Variants in EDA observed in about 807,000 individuals in gnomAD.
EDA encodes the protein ectodysplasin A.
Under a neutral mutation model 23.6 loss-of-function variants are expected in EDA, and 2 were observed. The ratio of observed to expected loss-of-function variants is 0.08; its 90% CI spans 0.03 to 0.27. The LOEUF (loss-of-function observed/expected upper bound fraction) is 0.27. EDA is among the 10% of genes least tolerant of loss of function. The probability of loss-of-function intolerance (pLI) is 1.00; values close to 1 mark genes in which losing one functional copy is unlikely to be tolerated. For synonymous variants in EDA, 131 were observed against 132.0 expected (o/e 0.99, Z 0.05); for missense variants, 229 against 324.2 (o/e 0.71, Z 2.26).
chrX:69,825,961 G>A (rs1307711408), intron 1 of EDA, among the ~76,000 whole-genome samples: 1 of 106,670 alleles, frequency 9.4e-6, no homozygotes, highest in Non-Finnish European at 1.9e-5. Flanking sequence ...TATGTACCCA[G>A]TAGTCATTCA....
In EDA at chrX:69,744,782, G is replaced by A. The variant is rs1297449146; in HGVS notation, c.396+128078G>A. 5.4e-5 allele frequency among the ~76,000 whole-genome samples: 6 copies of A among 111,772 alleles called. No homozygotes were observed. The Admixed American group carries it at 5.7e-4, about 11-fold the overall frequency. On this transcript the variant is annotated intron_variant, in intron 1 of 7. Coordinates refer to ENST00000374552, the MANE Select transcript of EDA (RefSeq NM_001399.5). ...GAGGTGCTTTATGTACTTCTCATTC[G>A]ATCCTTATAATGGTGCTTTAAATTA...
chrX:69,829,736 A>T (rs1258916560), intron 1 of EDA, among the ~76,000 whole-genome samples: 5 of 112,089 alleles, frequency 4.5e-5, no homozygotes, highest in Non-Finnish European at 9.4e-5. Flanking sequence ...GGTCTAGTGA[A>T]GATGACCACC....
At chrX:69,875,349 T>C (rs1294121107) in intron 1 of EDA, among the ~76,000 whole-genome samples, 1 of 111,571 alleles carries the variant, frequency 9.0e-6, no homozygotes, top group Non-Finnish European at 1.9e-5. Flanking sequence ...CAACTGATCT[T>C]CAACAAAGCA....
At chrX:69,868,804 G>A (rs151222632) in intron 1 of EDA, among the ~76,000 whole-genome samples, 1 of 112,586 alleles carries the variant, frequency 8.9e-6, no homozygotes, top group East Asian at 2.8e-4. Context: ...CAAGTCAATG[G>A]CTGCATACCA....
chrX:70,018,272 T>A (rs192598758), intron 2 of EDA, among the ~76,000 whole-genome samples: 1 of 112,121 alleles, frequency 8.9e-6, no homozygotes, highest in Non-Finnish European at 1.9e-5. Flanking sequence ...ATGGTCATAA[T>A]ACCCAAAGAA....
chrX:69,821,519 T>C (rs1042415701), intron 1 of EDA, among the ~76,000 whole-genome samples: 22 of 112,498 alleles, frequency 2.0e-4, no homozygotes, highest in African/African-American at 6.5e-4. Context: ...TGATCTTAAA[T>C]GGTTAGTCTC....
intron 1 of EDA, among the ~76,000 whole-genome samples, chrX:69,956,001 T>C (rs1276666007): frequency 8.9e-6 from 1 of 112,137 alleles, no homozygotes; most frequent in East Asian, 2.8e-4. Flanking sequence ...ATGAAACATA[T>C]TGTATTATTA....
intron 1 of EDA, among the ~76,000 whole-genome samples, chrX:69,783,283 T>C (rs942162351): frequency 9.0e-6 from 1 of 111,075 alleles, no homozygotes; most frequent in South Asian, 3.8e-4. Context: ...CTTCTTTTTT[T>C]TATTTTATTT....
At chrX:69,624,789 C>CCTCTCT (rs751401580) in intron 1 of EDA, among the ~76,000 whole-genome samples, 1,218 of 95,747 alleles carry the variant, frequency 0.013, 22 homozygotes, top group African/African-American at 0.045. Flanking sequence ...GTCAGAAGCT[C>CCTCTCT]CTCTCTCTCT....
intron 1 of EDA, among the ~76,000 whole-genome samples, chrX:69,852,136 A>G (rs2017150561): frequency 8.9e-6 from 1 of 111,854 alleles, no homozygotes; most frequent in Non-Finnish European, 1.9e-5. Context: ...ATAGCAGATT[A>G]TAGATCTACA....
At chrX:69,854,685 A>T (rs2147583076) in intron 1 of EDA, among the ~76,000 whole-genome samples, 1 of 112,182 alleles carries the variant, frequency 8.9e-6, no homozygotes, top group South Asian at 3.7e-4. Context: ...TAGATACCAC[A>T]TTTTCTTTAT....
chrX:70,029,617 G>T, intron 5 of EDA, 79 bp downstream of exon 5: 2 of 1,024,090 alleles, frequency 2.0e-6, no homozygotes, highest in Admixed American at 2.2e-5. Flanking sequence ...CTTCTTATTA[G>T]ATTTCCTGAG....
At chrX:69,976,452 C>T (rs1455928221) in intron 2 of EDA, among the ~76,000 whole-genome samples, 1 of 111,557 alleles carries the variant, frequency 9.0e-6, no homozygotes, top group African/African-American at 3.3e-5. Flanking sequence ...ATCTCTTCCC[C>T]TCACCCCAAA....
chrX:69,650,322 C>T lies in EDA; in HGVS notation c.396+33618C>T, dbSNP rs747685769. ...CAAACAAAACAGATAGTGTCTCTGA[C>T]CCTGATGTAATTCATAGTCTAATGG... On this transcript the variant is annotated intron_variant, in intron 1 of 7. Coordinates refer to ENST00000374552, the MANE Select transcript of EDA (RefSeq NM_001399.5). 5.4e-5 allele frequency among the ~76,000 whole-genome samples: 6 copies of T among 111,715 alleles called. No homozygotes were observed. In the South Asian group the frequency reaches 2.3e-3, roughly 42 times the overall value.
intron 1 of EDA, among the ~76,000 whole-genome samples, chrX:69,883,933 C>CA (rs761611172): frequency 9.1e-6 from 1 of 110,069 alleles, no homozygotes; most frequent in Admixed American, 9.7e-5. Flanking sequence ...ATTGTCTCTA[C>CA]AAAAAATAAA....
At chrX:69,721,128 G>A (rs958668229) in intron 1 of EDA, among the ~76,000 whole-genome samples, 3 of 111,588 alleles carry the variant, frequency 2.7e-5, no homozygotes, top group African/African-American at 9.8e-5. Context: ...GTGCTGCTGG[G>A]GCTTCCACTG....
Position 69,888,978 on chromosome X carries a change from T to TA in EDA, c.397-68049_397-68048insA, listed in dbSNP as rs1556026049. 5.1e-3 allele frequency among the ~76,000 whole-genome samples: 82 copies of TA among 16,012 alleles called. 8 individuals carry two copies. The highest frequency in any genetic ancestry group is 0.016 in the East Asian group (5 of 307). The allele number at this position is 16,012 out of a possible 115,157, so 13.9% of individuals were successfully genotyped here. On this transcript the variant is annotated intron_variant, in intron 1 of 7. Transcript: ENST00000374552. ...GTGGAATTGTTGTATTGTGGGGTAG[T>TA]TATATATATATATATATATATATAT... is the stretch of plus-strand genomic sequence containing the variant.
intron 1 of EDA, among the ~76,000 whole-genome samples, chrX:69,783,937 A>C (rs1184537073): frequency 1.9e-5 from 2 of 104,969 alleles, no homozygotes. Context: ...ATTTCTCCAC[A>C]TCCTCTCCAG....
chrX:69,709,617 A>C (rs751693992), intron 1 of EDA, among the ~76,000 whole-genome samples: 63 of 111,759 alleles, frequency 5.6e-4, no homozygotes, highest in Non-Finnish European at 9.2e-4. Context: ...TAATGAACCC[A>C]TACTAGCTCC....
Sources: allele counts gnomAD v4.1 joint callset (sites outside exome capture counted in the v4.1 genomes callset), GRCh38; gene constraint gnomAD v4.1.1; transcripts MANE v1.5; gene names NCBI Gene and HGNC (gene_info 2026-07-23, HGNC 2026-07-21).